Variants in MARCHF3 observed in about 807,000 individuals in gnomAD.
MARCHF3 encodes membrane associated ring-CH-type finger 3, also known as E3 ubiquitin-protein ligase MARCHF3.
MARCHF3 carries 13 observed loss-of-function variants against 24.2 expected under a neutral mutation model. That is an observed-to-expected ratio of 0.54 (90% CI 0.35 to 0.85). The LOEUF (loss-of-function observed/expected upper bound fraction) is 0.85, where lower values mean the gene tolerates loss of function less well. Ranked by LOEUF, MARCHF3 falls within the 40% of genes least tolerant of loss-of-function variation. The probability of loss-of-function intolerance (pLI) is 0.01; values close to 1 mark genes in which losing one functional copy is unlikely to be tolerated. For synonymous variants in MARCHF3, 144 were observed against 137.3 expected (o/e 1.05, Z -0.34); for missense variants, 276 against 325.0 (o/e 0.85, Z 1.16).
chr5:126,918,626 A>G (rs1748991939), intron 1 of MARCHF3, among the ~76,000 whole-genome samples: 2 of 152,104 alleles, frequency 1.3e-5, no homozygotes, highest in Admixed American at 6.5e-5. Context: ...ATTCAGAACT[A>G]TTTTTTCTGG....
At chr5:126,896,495 T>TA (rs1753922117) in intron 3 of MARCHF3, among the ~76,000 whole-genome samples, 1 of 152,084 alleles carries the variant, frequency 6.6e-6, no homozygotes, top group African/African-American at 2.4e-5. Flanking sequence ...ATATACATTT[T>TA]TAGCTTGAGT....
At chr5:126,991,451 G>T (rs1164208888) in intron 1 of MARCHF3, among the ~76,000 whole-genome samples, 1 of 152,154 alleles carries the variant, frequency 6.6e-6, no homozygotes, top group East Asian at 1.9e-4. Context: ...TAATGTAAAT[G>T]ATGAGTTGAT....
At chr5:126,891,169 T>G (rs1663833166) in intron 3 of MARCHF3, among the ~76,000 whole-genome samples, 1 of 150,656 alleles carries the variant, frequency 6.6e-6, no homozygotes, top group South Asian at 2.1e-4. Context: ...TTTGAGTTCA[T>G]TGTAGATTCT....
intron 1 of MARCHF3, among the ~76,000 whole-genome samples, chr5:126,973,076 A>G (rs940476403): frequency 6.6e-6 from 1 of 152,174 alleles, no homozygotes; most frequent in African/African-American, 2.4e-5. Flanking sequence ...TTTTTGCTAT[A>G]TGCCTGAATA....
intron 3 of MARCHF3, among the ~76,000 whole-genome samples, chr5:126,894,104 G>T (rs1753789801): frequency 7.2e-6 from 1 of 139,686 alleles, no homozygotes; most frequent in African/African-American, 2.9e-5. Flanking sequence ...CAGAGACTAG[G>T]ATTGCAACCC....
At position 126,915,219 on chromosome 5, in the gene MARCHF3, C is replaced by A; in HGVS notation, c.189-85G>T. On this transcript the variant is annotated intron_variant, in intron 2 of 4. Coordinates refer to ENST00000308660, the MANE Select transcript of MARCHF3 (RefSeq NM_178450.5). Reference sequence around the variant, plus strand: ...GGCCCTCTAGCTCTTGTCCTTTGGGCCCTCCCCAGAGGCAGCTGCTTTAAG... The same window carrying A: ...GGCCCTCTAGCTCTTGTCCTTTGGGACCTCCCCAGAGGCAGCTGCTTTAAG... The A allele has an allele frequency of 2.9e-6, 4 of 1,366,770 alleles. No individual in the cohort carries two copies. The South Asian group carries it at 3.8e-5, about 13-fold the overall frequency. 84.7% of individuals were successfully genotyped at this position (1,366,770 alleles called of 1,614,324 possible).
chr5:126,886,007 T>A (rs202177724), intron 3 of MARCHF3, among the ~76,000 whole-genome samples: 1 of 148,310 alleles, frequency 6.7e-6, no homozygotes, highest in Admixed American at 6.7e-5. Context: ...TATATATATA[T>A]AATTTTTTTT....
chr5:127,003,596 A>G (rs1752209632), intron 1 of MARCHF3, among the ~76,000 whole-genome samples: 2 of 149,674 alleles, frequency 1.3e-5, no homozygotes, highest in Admixed American at 1.3e-4. Flanking sequence ...CTAAAAATAC[A>G]AAAATTAGCC....
intron 1 of MARCHF3, among the ~76,000 whole-genome samples, chr5:126,948,231 C>T (rs1423443427): frequency 3.9e-5 from 6 of 152,112 alleles, no homozygotes; most frequent in Admixed American, 1.3e-4. Context: ...TCAGTACCCA[C>T]GGAGATTGGT....
intron 1 of MARCHF3, among the ~76,000 whole-genome samples, chr5:126,939,691 T>C (rs560525767): frequency 6.6e-6 from 1 of 152,356 alleles, no homozygotes; most frequent in South Asian, 2.1e-4. Context: ...ACAGTAGTTA[T>C]GTTCTATACA....
chr5:126,953,513 G>A (rs189159648), intron 1 of MARCHF3, among the ~76,000 whole-genome samples: 26 of 151,680 alleles, frequency 1.7e-4, no homozygotes, highest in African/African-American at 6.3e-4. Context: ...CTTTTATATT[G>A]ATGAATGGCT....
At position 126,997,722 on chromosome 5, in the gene MARCHF3, A is replaced by G. The variant is rs1008212704; in HGVS notation, c.-57+32628T>C. Among the ~76,000 whole-genome samples, 9 of 152,234 alleles carry G rather than the reference A, an allele frequency of 5.9e-5. No individual in the cohort carries two copies. The South Asian group carries it at 6.2e-4, about 11-fold the overall frequency. ...CATACTTAATTTTTTTGATAAGGCT[A>G]TGCTTTTCTGCAAATCTCTTCCCCC... On this transcript the variant is annotated intron_variant, in intron 1 of 4. Transcript: ENST00000308660.
intron 1 of MARCHF3, among the ~76,000 whole-genome samples, chr5:126,996,101 C>T (rs934718412): frequency 2.0e-5 from 3 of 152,156 alleles, no homozygotes; most frequent in Non-Finnish European, 2.9e-5. Context: ...CTGAAAGCCA[C>T]GAGTATTTGA....
At chr5:126,978,166 C>A (rs1716541973) in intron 1 of MARCHF3, among the ~76,000 whole-genome samples, 1 of 152,176 alleles carries the variant, frequency 6.6e-6, no homozygotes. Context: ...TCACTCTACC[C>A]CCAAAACCCT....
intron 1 of MARCHF3, among the ~76,000 whole-genome samples, chr5:126,936,457 T>G (rs1019262366): frequency 1.8e-4 from 27 of 152,146 alleles, no homozygotes; most frequent in Admixed American, 1.8e-3. Flanking sequence ...ACATGTTTAA[T>G]AGCACTGGAA....
intron 3 of MARCHF3, among the ~76,000 whole-genome samples, chr5:126,883,438 T>C (rs545703457): frequency 3.9e-5 from 6 of 152,330 alleles, no homozygotes; most frequent in African/African-American, 1.4e-4. Context: ...TAATCACTTA[T>C]TTCTGAACCA....
chr5:126,974,980 T>A (rs1751145331), intron 1 of MARCHF3, among the ~76,000 whole-genome samples: 1 of 152,240 alleles, frequency 6.6e-6, no homozygotes, highest in African/African-American at 2.4e-5. Flanking sequence ...TTTATTGAGA[T>A]GGAGTCTCGC....
chr5:126,982,208 C>T (rs1751418398), intron 1 of MARCHF3, among the ~76,000 whole-genome samples: 1 of 152,244 alleles, frequency 6.6e-6, no homozygotes, highest in South Asian at 2.1e-4. Flanking sequence ...CAGCTTCTCT[C>T]ACCTGCCTGC....
intron 3 of MARCHF3, among the ~76,000 whole-genome samples, chr5:126,897,696 T>C (rs34167489): frequency 0.026 from 3,881 of 152,162 alleles, 76 homozygotes; most frequent in South Asian, 0.038. Flanking sequence ...CATTGACGCC[T>C]CTGGGCCAGT....
Sources: gnomAD v4.1 joint callset for allele counts (sites outside exome capture counted in the v4.1 genomes callset) on GRCh38, gnomAD v4.1.1 for gene constraint, MANE v1.5 for transcripts, NCBI Gene and HGNC (gene_info 2026-07-23, HGNC 2026-07-21) for gene names.